Variants in SYT14 observed in about 807,000 individuals in gnomAD.
SYT14 encodes synaptotagmin-14.
Under a neutral mutation model 74.2 loss-of-function variants are expected in SYT14, and 32 were observed. That is an observed-to-expected ratio of 0.43 (90% CI 0.33 to 0.58). The LOEUF (loss-of-function observed/expected upper bound fraction) is 0.58. Ranked by LOEUF, SYT14 falls within the 20% of genes least tolerant of loss-of-function variation. The pLI, the probability that SYT14 is intolerant of heterozygous loss-of-function variation, is 0.05. For synonymous variants in SYT14, 298 were observed against 337.7 expected (o/e 0.88, Z 1.29); for missense variants, 791 against 981.8 (o/e 0.81, Z 2.60).
At chr1:209,954,788 C>T (rs2102688928) in intron 2 of SYT14, among the ~76,000 whole-genome samples, 1 of 152,060 alleles carries the variant, frequency 6.6e-6, no homozygotes, top group Non-Finnish European at 1.5e-5. Context: ...CCACTGCAAC[C>T]TCTGCCTCCT....
chr1:210,160,770 G>A (rs1325017388), exon 10 of SYT14: 1 of 1,613,776 alleles, frequency 6.2e-7, no homozygotes, highest in African/African-American at 1.3e-5. Context: ...CATGGGTCAA[G>A]AGATGTCCAA....
chr1:209,997,951 A>G (rs1051360209), intron 2 of SYT14, among the ~76,000 whole-genome samples: 19 of 152,308 alleles, frequency 1.2e-4, no homozygotes, highest in Non-Finnish European at 2.1e-4. Context: ...TTGAAGATTT[A>G]TAATGTTCTT....
In SYT14 at chr1:210,059,449, T is replaced by TAGAGAGAGAGAGAG. The variant is rs796666013; in HGVS notation, c.1313-34872_1313-34871insGAGAGAGAGAGAGA. ...AAGAATATATATATATATATATATATATAGAGAGAGAGAGAGAGAGAGAGA... is the reference window on the plus strand; with the variant it reads ...AAGAATATATATATATATATATATATAGAGAGAGAGAGAGATAGAGAGAGAGAGAGAGAGAGAGA... On this transcript the variant is annotated intron_variant, in intron 5 of 9. Transcript: ENST00000637265. 7.5e-4 allele frequency among the ~76,000 whole-genome samples: 67 copies of TAGAGAGAGAGAGAG among 89,700 alleles called. 1 individual carries two copies. Among genetic ancestry groups the TAGAGAGAGAGAGAG allele is most frequent in the African/African-American group, 1.6e-3 (28 of 17,222 alleles). The allele number at this position is 89,700 out of a possible 152,430, so 58.8% of individuals were successfully genotyped here.
chr1:210,147,254 A>G (rs1235511406), intron 7 of SYT14, among the ~76,000 whole-genome samples: 1 of 152,212 alleles, frequency 6.6e-6, no homozygotes, highest in Non-Finnish European at 1.5e-5. Flanking sequence ...AAAGTCATTA[A>G]AAATACAGTC....
At chr1:210,015,406 A>C (rs1211512238) in intron 3 of SYT14, among the ~76,000 whole-genome samples, 1 of 152,220 alleles carries the variant, frequency 6.6e-6, no homozygotes, top group Non-Finnish European at 1.5e-5. Context: ...AATAGGAATA[A>C]TAATATTTAC....
At chr1:210,151,510 C>CCCT (rs1553289522) in intron 7 of SYT14, among the ~76,000 whole-genome samples, 2 of 139,102 alleles carry the variant, frequency 1.4e-5, no homozygotes, top group South Asian at 2.3e-4. Flanking sequence ...GAATGCCCCC[C>CCCT]CCCTTTTTTT....
At chr1:210,082,336 T>C (rs1050788552) in intron 5 of SYT14, among the ~76,000 whole-genome samples, 1 of 152,192 alleles carries the variant, frequency 6.6e-6, no homozygotes, top group Non-Finnish European at 1.5e-5. Context: ...CCAACCCTTA[T>C]TCTAAGCAAA....
At chr1:210,119,646 C>A (rs1441749695) in intron 7 of SYT14, among the ~76,000 whole-genome samples, 3 of 152,076 alleles carry the variant, frequency 2.0e-5, no homozygotes, top group Non-Finnish European at 4.4e-5. Flanking sequence ...ATATAAATTT[C>A]CTGATGTTTA....
Position 209,947,746 on chromosome 1 carries a change from G to A in SYT14, c.-533-4963G>A, listed in dbSNP as rs184775920. Among the ~76,000 whole-genome samples the A allele has an allele frequency of 3.6e-3, 542 of 152,338 alleles. 5 individuals carry two copies. Among genetic ancestry groups the A allele is most frequent in the African/African-American group, 0.013 (528 of 41,568 alleles). ...TGACTCCAGTTTTTAAAGTTCTACT[G>A]TGGGTAAAATGCTATCAAACAGCAT... On this transcript the variant is annotated intron_variant, in intron 1 of 9. Transcript: ENST00000637265.
At chr1:210,039,575 A>G (rs1572198215) in intron 5 of SYT14, among the ~76,000 whole-genome samples, 1 of 152,180 alleles carries the variant, frequency 6.6e-6, no homozygotes, top group African/African-American at 2.4e-5. Flanking sequence ...AGCAAAAGAA[A>G]CTGTCATCAG....
At chr1:210,132,266 C>T (rs1474024833) in intron 7 of SYT14, among the ~76,000 whole-genome samples, 1 of 152,118 alleles carries the variant, frequency 6.6e-6, no homozygotes, top group Non-Finnish European at 1.5e-5. Flanking sequence ...GCTCTCTCCC[C>T]ACGCCAAGTC....
At chr1:210,074,477 A>G (rs1450686499) in intron 5 of SYT14, among the ~76,000 whole-genome samples, 2 of 152,228 alleles carry the variant, frequency 1.3e-5, no homozygotes, top group South Asian at 2.1e-4. Context: ...TGATACAAAC[A>G]TAGGCACTCT....
At chr1:210,016,348 A>G in exon 4 of SYT14, 4 of 1,232,152 alleles carry the variant, frequency 3.2e-6, no homozygotes, top group Non-Finnish European at 4.0e-6. Flanking sequence ...GAATACATGA[A>G]GAAAGAGTAT....
At position 210,089,812 on chromosome 1, in the gene SYT14, G is replaced by GA. The variant is rs2081825590; in HGVS notation, c.1313-4504dup. ...GGACAAAATGCATGAACAAAGCAACGAAAAAATCAAGCAATGAACGCATAG... is the reference window on the plus strand; with the variant it reads ...GGACAAAATGCATGAACAAAGCAACGAAAAAAATCAAGCAATGAACGCATAG... On this transcript the variant is annotated intron_variant, in intron 5 of 9. Coordinates refer to ENST00000637265, the Ensembl canonical transcript of SYT14. Among the ~76,000 whole-genome samples the GA allele has an allele frequency of 2.0e-5, 3 of 152,144 alleles. No individual in the cohort carries two copies. In the South Asian group the frequency reaches 6.2e-4, roughly 31 times the overall value.
intron 7 of SYT14, among the ~76,000 whole-genome samples, chr1:210,140,291 A>G (rs1558216809): frequency 6.6e-6 from 1 of 151,684 alleles, no homozygotes. Flanking sequence ...TCCTTTGCCT[A>G]TTTTTTTGCC....
chr1:209,985,615 G>A (rs138440131), intron 2 of SYT14, among the ~76,000 whole-genome samples: 1 of 152,248 alleles, frequency 6.6e-6, no homozygotes, highest in East Asian at 1.9e-4. Context: ...GAGTGTCCCA[G>A]TGGGGACTCT....
At chr1:209,995,318 AAAAG>A (rs1203595301) in intron 2 of SYT14, among the ~76,000 whole-genome samples, 1 of 152,226 alleles carries the variant, frequency 6.6e-6, no homozygotes, top group Non-Finnish European at 1.5e-5. Context: ...AGAAACCAAA[AAAAG>A]AGCAGAAGTC....
chr1:210,004,017 T>C (rs1273091281), intron 2 of SYT14, among the ~76,000 whole-genome samples: 2 of 152,084 alleles, frequency 1.3e-5, no homozygotes, highest in Non-Finnish European at 2.9e-5. Context: ...GAGACCATAA[T>C]TGCTTTCATC....
At chr1:209,963,511 A>G (rs900259180) in intron 2 of SYT14, among the ~76,000 whole-genome samples, 8 of 152,218 alleles carry the variant, frequency 5.3e-5, no homozygotes, top group Non-Finnish European at 1.0e-4. Context: ...TGTTTTACCT[A>G]AATGAATTAT....
Sources: gnomAD v4.1 joint callset for allele counts (sites outside exome capture counted in the v4.1 genomes callset) on GRCh38, gnomAD v4.1.1 for gene constraint, MANE v1.5 for transcripts, NCBI Gene and HGNC (gene_info 2026-07-23, HGNC 2026-07-21) for gene names.